The following ZNF528 variants were observed in gnomAD, a reference collection of about 807,000 sequenced individuals.
ZNF528 encodes zinc finger protein 528.
ZNF528 carries 9 observed loss-of-function variants against 13.3 expected under a neutral mutation model. That is an observed-to-expected ratio of 0.67 (90% CI 0.41 to 1.18). The LOEUF (loss-of-function observed/expected upper bound fraction) is 1.18, where lower values mean the gene tolerates loss of function less well. Ranked by LOEUF, ZNF528 falls within the 50% of genes most tolerant of loss-of-function variation. The pLI is 0.01. For missense variants in ZNF528, 858 were observed against 745.4 expected (o/e 1.15, Z -1.76); for synonymous variants, 264 against 254.3 (o/e 1.04, Z -0.36).
Position 52,415,629 on chromosome 19 carries a change from T to A in ZNF528, c.777T>A (p.His259Gln). 1 of 1,614,144 alleles carries A rather than the reference T, an allele frequency of 6.2e-7. No homozygotes were observed. The highest frequency in any genetic ancestry group is 8.5e-7 in the Non-Finnish European group (1 of 1,180,018). Residue 259 changes from histidine to glutamine, a missense_variant, in exon 7 of 7, where the codon CAT becomes CAA. Coordinates refer to ENST00000360465, the MANE Select transcript of ZNF528 (RefSeq NM_032423.3). Reference sequence around the variant, plus strand: ...GTAGCAATTCAAACCTTTCACAACATCAAAGAATTCATACTGGAGAGAAGC... The same window carrying A: ...GTAGCAATTCAAACCTTTCACAACAACAAAGAATTCATACTGGAGAGAAGC... ...LFSSNSNLSQ[H>Q]QRIHTGEKPY...
Position 52,406,010 on chromosome 19 carries a change from AT to A in ZNF528, c.121del (p.Tyr41IlefsTer14). ...TTATACAGGGACGTGATGTTGGAGA[AT>A]TATAGGAACCTGGTCTCCCTGGGTG... The part of the protein sequence containing the change: ...RTLYRDVMLE[N>X]YRNLVSLGIC... On this transcript the variant is annotated frameshift_variant, in exon 5 of 7. Transcript: ENST00000360465. LOFTEE classifies it high-confidence loss of function. 2 of 1,610,998 alleles carry A rather than the reference AT, an allele frequency of 1.2e-6. No individual in the cohort carries two copies. The highest frequency in any genetic ancestry group is 1.7e-6 in the Non-Finnish European group (2 of 1,177,840).
chr19:52,415,371 T>G lies in ZNF528; in HGVS notation c.519T>G (p.Leu173=). The G allele has an allele frequency of 1.2e-6, 2 of 1,613,696 alleles. No homozygotes were observed. The highest frequency in any genetic ancestry group is 1.7e-6 in the Non-Finnish European group (2 of 1,179,938). ...YRNNFDHAPL[L]PQEQKAHIRE... ...ATAATTTTGATCATGCTCCATTACT[T>G]CCACAAGAACAGAAAGCACACATTA... Residue 173 remains leucine, a synonymous_variant, in exon 7 of 7, where the codon CTT becomes CTG. Transcript: ENST00000360465.
In ZNF528 at chr19:52,410,002, A is replaced by G. The variant is rs139541942; in HGVS notation, c.271+3359A>G. 6.1e-3 allele frequency among the ~76,000 whole-genome samples: 936 copies of G among 152,298 alleles called. 12 individuals are homozygous for G. The highest frequency in any genetic ancestry group is 0.022 in the African/African-American group (910 of 41,564). On this transcript the variant is annotated intron_variant, in intron 6 of 6. Transcript: ENST00000360465. ...AATGCTGGGATTATAGGCATGAGCC[A>G]CCATGCCCAGCCAGGTCTCTAACTA...
At position 52,417,078 on chromosome 19, in the gene ZNF528, G is replaced by A. The variant is rs2059013782; in HGVS notation, c.*339G>A. 2 of 265,888 alleles carry A rather than the reference G, an allele frequency of 7.5e-6. No homozygotes were observed. The highest frequency in any genetic ancestry group is 1.6e-4 in the East Asian group (2 of 12,348). The allele number at this position is 265,888 out of a possible 1,614,324, so 16.5% of individuals were successfully genotyped here. ...AATATGTTGAATCTCATGACCTGAT[G>A]TATATCAAAGGTGCAACGGCTTGTA... On this transcript the variant is annotated 3_prime_UTR_variant, in exon 7 of 7. Coordinates refer to ENST00000360465, the MANE Select transcript of ZNF528 (RefSeq NM_032423.3).
chr19:52,415,734 G>A lies in ZNF528; in HGVS notation c.882G>A (p.Glu294=). The A allele has an allele frequency of 6.2e-7, 1 of 1,614,114 alleles. No individual in the cohort carries two copies. The highest frequency in any genetic ancestry group is 8.5e-7 in the Non-Finnish European group (1 of 1,180,030). The stretch of plus-strand genomic sequence containing the variant: ...AACATCAAAGAATTCATACTGGAGA[G>A]AAGCCTTACAAATGTCATGAATGTG... The part of the protein sequence containing the change: ...LAQHQRIHTG[E]KPYKCHECDK... Residue 294 remains glutamate, a synonymous_variant, in exon 7 of 7, where the codon GAG becomes GAA. Coordinates refer to ENST00000360465, the MANE Select transcript of ZNF528 (RefSeq NM_032423.3).
At chr19:52,414,810 C>A in intron 6 of ZNF528, 3 of 592,586 alleles carry the variant, frequency 5.1e-6, no homozygotes, top group South Asian at 1.7e-5. Context: ...GTCTATACAG[C>A]TCTTCTTGGA....
chr19:52,401,548 T>C, intron 2 of ZNF528, 137 bp from the exon 3 acceptor site: 2 of 642,840 alleles, frequency 3.1e-6, no homozygotes, highest in South Asian at 3.4e-5. Flanking sequence ...CCGCTCCCTC[T>C]ACTGCAACTA....
At chr19:52,399,015 G>C (rs1599807712) in intron 2 of ZNF528, among the ~76,000 whole-genome samples, 1 of 152,104 alleles carries the variant, frequency 6.6e-6, no homozygotes, top group South Asian at 2.1e-4. Context: ...ATGAAAGATT[G>C]GGCAGAAAGA....
At chr19:52,400,302 A>G (rs1204579279) in intron 2 of ZNF528, among the ~76,000 whole-genome samples, 1 of 151,998 alleles carries the variant, frequency 6.6e-6, no homozygotes, top group African/African-American at 2.4e-5. Flanking sequence ...CTCAGAAGAA[A>G]AAACAAAGTA....
At chr19:52,410,782 C>T (rs1325132099) in intron 6 of ZNF528, among the ~76,000 whole-genome samples, 2 of 152,200 alleles carry the variant, frequency 1.3e-5, no homozygotes, top group African/African-American at 4.8e-5. Context: ...TATAATTCCT[C>T]TTCAGCCTGT....
At position 52,401,806 on chromosome 19, in the gene ZNF528, CAGTT is replaced by C. The variant is rs753199677; in HGVS notation, c.-68+56_-68+59del. ...CCAAAATTATTAACATCTGCTTGCT[CAGTT>C]AGGATAAATCAGACCTATGTAGAAA... On this transcript the variant is annotated intron_variant, in intron 3 of 6. Coordinates refer to ENST00000360465, the MANE Select transcript of ZNF528 (RefSeq NM_032423.3). 7.6e-5 allele frequency: 115 copies of C among 1,516,704 alleles called. No individual in the cohort carries two copies. The East Asian group carries it at 1.4e-3, about 19-fold the overall frequency. The allele number at this position is 1,516,704 out of a possible 1,614,324, so 94.0% of individuals were successfully genotyped here.
In ZNF528 at chr19:52,401,753, G is replaced by C; in HGVS notation, c.-68G>C. On this transcript the variant is annotated splice_region_variant and 5_prime_UTR_variant, in exon 3 of 7. Transcript: ENST00000360465. Reference sequence around the variant, plus strand: ...CAGAAGGAATCCACTCAACAGACGAGGTACCTTAACCACATAATGGTTGAT... The same window carrying C: ...CAGAAGGAATCCACTCAACAGACGACGTACCTTAACCACATAATGGTTGAT... 1 of 1,469,228 alleles carries C rather than the reference G, an allele frequency of 6.8e-7. No individual in the cohort carries two copies. Among genetic ancestry groups the C allele is most frequent in the Non-Finnish European group, 9.0e-7 (1 of 1,106,308 alleles). 91.0% of individuals were successfully genotyped at this position (1,469,228 alleles called of 1,614,324 possible).
At chr19:52,414,506 C>T in intron 6 of ZNF528, 2 of 574,820 alleles carry the variant, frequency 3.5e-6, no homozygotes, top group Non-Finnish European at 3.1e-6. Context: ...GCTTGATTTA[C>T]AACAGGTTTG....
intron 6 of ZNF528, chr19:52,408,188 T>C (rs2058883038): frequency 6.6e-6 from 1 of 151,992 alleles, no homozygotes; most frequent in Non-Finnish European, 1.5e-5. Context: ...AGTGTCTTTT[T>C]TTTTTTTTCT....
chr19:52,406,699 G>C (rs1476582070), intron 6 of ZNF528, 56 bp downstream of exon 6: 4 of 1,556,758 alleles, frequency 2.6e-6, no homozygotes, highest in Non-Finnish European at 3.5e-6. Context: ...TTTGAGACAG[G>C]GTCTAACGCT....
chr19:52,416,637 C>T lies in ZNF528; in HGVS notation c.1785C>T (p.His595=). ...IFTQKSSLTN[H]HRIHIGEKPY... Reference sequence around the variant, plus strand: ...CTCAGAAGTCTTCCCTCACCAATCACCATAGAATTCACATTGGAGAGAAAC... The same window carrying T: ...CTCAGAAGTCTTCCCTCACCAATCATCATAGAATTCACATTGGAGAGAAAC... Residue 595 remains histidine, a synonymous_variant, in exon 7 of 7, where the codon CAC becomes CAT. Coordinates refer to ENST00000360465, the MANE Select transcript of ZNF528 (RefSeq NM_032423.3). The T allele has an allele frequency of 6.2e-7, 1 of 1,614,100 alleles. No individual in the cohort carries two copies. Among genetic ancestry groups the T allele is most frequent in the Non-Finnish European group, 8.5e-7 (1 of 1,180,006 alleles).
At chr19:52,403,659 C>CAAAAAAAAA (rs398035018) in intron 4 of ZNF528, among the ~76,000 whole-genome samples, 1 of 84,974 alleles carries the variant, frequency 1.2e-5, no homozygotes, top group Non-Finnish European at 2.1e-5. Flanking sequence ...GACTCCATCT[C>CAAAAAAAAA]AAAAAAAAAA....
intron 2 of ZNF528, among the ~76,000 whole-genome samples, chr19:52,400,265 C>T (rs879917522): frequency 4.6e-5 from 7 of 150,804 alleles, no homozygotes; most frequent in Non-Finnish European, 8.9e-5. Flanking sequence ...CACACACACA[C>T]GCCTTTATTT....
In ZNF528 at chr19:52,416,404, GA is replaced by G; in HGVS notation, c.1556del (p.Lys519SerfsTer23). On this transcript the variant is annotated frameshift_variant, in exon 7 of 7. Coordinates refer to ENST00000360465, the MANE Select transcript of ZNF528 (RefSeq NM_032423.3). LOFTEE classifies it low-confidence loss of function (END_TRUNC). ...LVCHQKIHTGEKPYKCNQCGK... is the reference protein window; with the variant it reads ...LVCHQKIHTGXKPYKCNQCGK... ...ATGCCATCAGAAAATTCATACAGGAGAAAAGCCTTACAAATGTAATCAATGT... is the reference window on the plus strand; with the variant it reads ...ATGCCATCAGAAAATTCATACAGGAGAAAGCCTTACAAATGTAATCAATGT... The G allele has an allele frequency of 6.2e-7, 1 of 1,614,088 alleles. No homozygotes were observed. The highest frequency in any genetic ancestry group is 8.5e-7 in the Non-Finnish European group (1 of 1,179,988).
Sources: allele counts gnomAD v4.1 joint callset (sites outside exome capture counted in the v4.1 genomes callset), GRCh38; gene constraint gnomAD v4.1.1; transcripts MANE v1.5; gene names NCBI Gene and HGNC (gene_info 2026-07-23, HGNC 2026-07-21).